Variants in POC5 observed in about 807,000 individuals in gnomAD.
POC5 encodes POC5 centriolar protein, also known as centrosomal protein POC5.
In POC5, 48 loss-of-function variants were observed where a neutral mutation model predicts 62.9. The ratio of observed to expected loss-of-function variants is 0.76; its 90% CI spans 0.61 to 0.97. The LOEUF (loss-of-function observed/expected upper bound fraction) is 0.97. Among genes scored for constraint, POC5 ranks in the 50% least tolerant of loss-of-function variants. POC5 has a pLI of 0.00. For missense variants in POC5, 696 were observed against 679.5 expected (o/e 1.02, Z -0.27); for synonymous variants, 236 against 228.2 (o/e 1.03, Z -0.31).
intron 10 of POC5, among the ~76,000 whole-genome samples, chr5:75,678,722 G>T (rs1271147588): frequency 6.6e-6 from 1 of 151,978 alleles, no homozygotes; most frequent in African/African-American, 2.4e-5. Flanking sequence ...TTTTGCAAAA[G>T]AAAAATCCTC....
chr5:75,687,384 T>C (rs1413407440), intron 9 of POC5, among the ~76,000 whole-genome samples: 1 of 142,642 alleles, frequency 7.0e-6, no homozygotes, highest in East Asian at 2.0e-4. Flanking sequence ...TTTTTTCTTA[T>C]GAGAACTAAA....
chr5:75,695,329 C>G (rs1776516984), intron 5 of POC5, among the ~76,000 whole-genome samples: 2 of 152,138 alleles, frequency 1.3e-5, no homozygotes, highest in South Asian at 4.1e-4. Context: ...TGTCACCCTA[C>G]TGACTGGCAC....
At chr5:75,677,047 A>G (rs1021869237) in intron 11 of POC5, among the ~76,000 whole-genome samples, 8 of 152,116 alleles carry the variant, frequency 5.3e-5, no homozygotes, top group African/African-American at 1.9e-4. Context: ...GCCTTAATAC[A>G]TCTCGTTTAA....
Position 75,704,026 on chromosome 5 carries a change from G to A in POC5, c.308-1216C>T, listed in dbSNP as rs542518380. 3.3e-5 allele frequency among the ~76,000 whole-genome samples: 5 copies of A among 151,850 alleles called. No homozygotes were observed. The East Asian group carries it at 7.8e-4, about 24-fold the overall frequency. ...AAAAATTAGCCAGGCATGGTGGCAC[G>A]TGCCTATAGTCCCAGCTACTTGGGA... is the stretch of plus-strand genomic sequence containing the variant. On this transcript the variant is annotated intron_variant, in intron 4 of 11. Transcript: ENST00000428202.
chr5:75,675,859 A>C (rs1475088690), intron 11 of POC5, among the ~76,000 whole-genome samples: 2 of 152,272 alleles, frequency 1.3e-5, no homozygotes, highest in Admixed American at 6.5e-5. Flanking sequence ...GTTACCCAGC[A>C]GATGAGGCTA....
intron 6 of POC5, 143 bp from the exon 7 acceptor site, chr5:75,692,643 A>G: frequency 2.3e-6 from 1 of 426,216 alleles, no homozygotes. Flanking sequence ...TATTATCTTT[A>G]AAAAGATGGT....
intron 10 of POC5, among the ~76,000 whole-genome samples, chr5:75,684,870 CTTT>C (rs369470317): frequency 1.7e-4 from 23 of 136,332 alleles, no homozygotes; most frequent in South Asian, 2.3e-4. Context: ...TACAAACAAG[CTTT>C]TTTTTTTTTT....
intron 2 of POC5, 119 bp from the exon 3 acceptor site, chr5:75,707,994 C>T: frequency 4.4e-6 from 4 of 903,962 alleles, no homozygotes; most frequent in Non-Finnish European, 4.8e-6. Flanking sequence ...TATTATATTA[C>T]AAAGTTTTAC....
At chr5:75,706,895 C>G (rs1051015790) in intron 3 of POC5, among the ~76,000 whole-genome samples, 2 of 152,148 alleles carry the variant, frequency 1.3e-5, no homozygotes, top group African/African-American at 4.8e-5. Flanking sequence ...TGTTCCACTG[C>G]AACAGGCCAA....
chr5:75,713,056 T>G, intron 1 of POC5, 105 bp from the exon 2 acceptor site: 1 of 780,284 alleles, frequency 1.3e-6, no homozygotes, highest in Non-Finnish European at 2.0e-6. Flanking sequence ...AATCTTCCTG[T>G]GATATGCTAA....
At chr5:75,681,783 G>A (rs1226608881) in intron 10 of POC5, among the ~76,000 whole-genome samples, 2 of 151,956 alleles carry the variant, frequency 1.3e-5, no homozygotes, top group Non-Finnish European at 2.9e-5. Flanking sequence ...ATTTTTGAAT[G>A]TTCATAGGAA....
intron 2 of POC5, among the ~76,000 whole-genome samples, chr5:75,709,874 C>A (rs970599632): frequency 8.5e-5 from 13 of 152,192 alleles, no homozygotes; most frequent in African/African-American, 2.9e-4. Flanking sequence ...TTTTTAATTT[C>A]TTTAACTTAA....
Position 75,702,774 on chromosome 5 carries a change from TGA to T in POC5, c.342_343del (p.His115ProfsTer13). The T allele has an allele frequency of 6.3e-7, 1 of 1,590,060 alleles. No individual in the cohort carries two copies. The highest frequency in any genetic ancestry group is 8.6e-7 in the Non-Finnish European group (1 of 1,167,338). On this transcript the variant is annotated frameshift_variant, in exon 5 of 12. Transcript: ENST00000428202. LOFTEE classifies it high-confidence loss of function. ...TGAACTGAAAAAATCCATGACTGGG[TGA>T]GAAGGCTTCCTTGGCGATAACACTG...
intron 10 of POC5, among the ~76,000 whole-genome samples, chr5:75,681,507 G>C (rs1378087736): frequency 6.6e-6 from 1 of 151,466 alleles, no homozygotes; most frequent in Non-Finnish European, 1.5e-5. Context: ...AGCCTTTTTT[G>C]AAAAATGGTT....
At chr5:75,712,217 G>A (rs1319478570) in intron 2 of POC5, 2 of 936,882 alleles carry the variant, frequency 2.1e-6, no homozygotes, top group African/African-American at 1.7e-5. Context: ...TTCCCCTTGA[G>A]TAATACAACT....
rs1775725150 is a variant in POC5, at chr5:75,677,764, G to A, written c.1584+10C>T. 1.9e-6 allele frequency: 3 copies of A among 1,582,992 alleles called. No homozygotes were observed. Among genetic ancestry groups the A allele is most frequent in the African/African-American group, 1.4e-5 (1 of 73,324 alleles). On this transcript the variant is annotated intron_variant, in intron 11 of 11. Transcript: ENST00000428202. ...ACTTTTTGACAAAAGGTCATCAAAT[G>A]TGGACTCACCACTGTGACTGGATGA... is the stretch of plus-strand genomic sequence containing the variant.
chr5:75,707,703 T>G (rs1262721789), intron 3 of POC5, 34 bp downstream of exon 3: 1 of 1,437,940 alleles, frequency 7.0e-7, no homozygotes, highest in African/African-American at 1.4e-5. Flanking sequence ...AGTAATATTT[T>G]AAATTAAGAG....
At position 75,705,758 on chromosome 5, in the gene POC5, T is replaced by C. The variant is rs1777089852; in HGVS notation, c.253A>G (p.Ile85Val). 3.9e-6 allele frequency: 6 copies of C among 1,553,214 alleles called. No homozygotes were observed. The highest frequency in any genetic ancestry group is 5.2e-6 in the Non-Finnish European group (6 of 1,149,512). ...AAATCACATCCTTTTCCAACTTCTATTGCAGTTTCTCTTACTTCAGAGTTA... is the reference window on the plus strand; with the variant it reads ...AAATCACATCCTTTTCCAACTTCTACTGCAGTTTCTCTTACTTCAGAGTTA... ...GNNSEVRETA[I>V]EVGKGCDFHI... The change falls in exon 4 of 12, where the codon ATA becomes GTA. Residue 85 changes from isoleucine (I) to valine (V), a missense_variant. Transcript: ENST00000428202.
intron 9 of POC5, among the ~76,000 whole-genome samples, chr5:75,688,076 T>G (rs1470860504): frequency 6.6e-6 from 1 of 152,162 alleles, no homozygotes; most frequent in Non-Finnish European, 1.5e-5. Context: ...CTAAACTTAC[T>G]CCTATCCACA....
Sources: allele counts gnomAD v4.1 joint callset (sites outside exome capture counted in the v4.1 genomes callset), GRCh38; gene constraint gnomAD v4.1.1; transcripts MANE v1.5; gene names NCBI Gene and HGNC (gene_info 2026-07-23, HGNC 2026-07-21).